The following KDM4C variants were observed in gnomAD, a reference collection of about 807,000 sequenced individuals.
The protein encoded by KDM4C is lysine-specific demethylase 4C.
A neutral mutation model predicts 129.3 loss-of-function variants in KDM4C; 81 were observed. The ratio of observed to expected loss-of-function variants is 0.63; its 90% CI spans 0.52 to 0.75. The LOEUF is 0.75. Ranked by LOEUF, KDM4C falls within the 30% of genes least tolerant of loss-of-function variation. The pLI, the probability that KDM4C is intolerant of heterozygous loss-of-function variation, is 0.00. For synonymous variants in KDM4C, 573 were observed against 456.1 expected, an observed-to-expected ratio of 1.26 and a Z score of -3.26; for missense variants, 1,457 against 1,304.0, an observed-to-expected ratio of 1.12 and a Z score of -1.81.
intron 1 of KDM4C, among the ~76,000 whole-genome samples, chr9:6,728,989 A>G (rs1817236393): frequency 1.3e-5 from 2 of 151,920 alleles, no homozygotes; most frequent in Admixed American, 1.3e-4. Context: ...ATGGATCACG[A>G]GGTCAGGAGT....
At chr9:7,063,351 G>C (rs79646739) in intron 17 of KDM4C, among the ~76,000 whole-genome samples, 5,028 of 152,252 alleles carry the variant, frequency 0.033, 262 homozygotes, top group African/African-American at 0.11. Flanking sequence ...GACTGTGACT[G>C]TCACTTCCCC....
intron 5 of KDM4C, among the ~76,000 whole-genome samples, chr9:6,875,837 C>T (rs1843464764): frequency 6.6e-6 from 1 of 152,180 alleles, no homozygotes; most frequent in African/African-American, 2.4e-5. Flanking sequence ...GTGGCAGGTG[C>T]TCAGCACCTA....
At chr9:7,125,864 C>G (rs1839979170) in intron 18 of KDM4C, among the ~76,000 whole-genome samples, 1 of 152,110 alleles carries the variant, frequency 6.6e-6, no homozygotes, top group Admixed American at 6.5e-5. Context: ...TCAAACAAAT[C>G]AGAGTTGATA....
chr9:6,809,811 A>G (rs1243682415), intron 3 of KDM4C, among the ~76,000 whole-genome samples: 10 of 152,180 alleles, frequency 6.6e-5, no homozygotes, highest in Admixed American at 5.2e-4. Context: ...CCAGCTGGAT[A>G]ACATGGCAAA....
intron 1 of KDM4C, among the ~76,000 whole-genome samples, chr9:6,732,659 T>C (rs1199881694): frequency 6.6e-6 from 1 of 152,126 alleles, no homozygotes; most frequent in Non-Finnish European, 1.5e-5. Context: ...AGTACTCACT[T>C]CCTAAACCGG....
At chr9:6,842,751 A>G (rs991808900) in intron 4 of KDM4C, among the ~76,000 whole-genome samples, 2 of 152,008 alleles carry the variant, frequency 1.3e-5, no homozygotes, top group African/African-American at 2.4e-5. Flanking sequence ...TGTCTCCTTT[A>G]GACAGGATAG....
chr9:6,721,210 A>ATTACC, intron 1 of KDM4C: 1 of 209,378 alleles, frequency 4.8e-6, no homozygotes, highest in Non-Finnish European at 9.0e-6. Context: ...AGTAGCTGGG[A>ATTACC]TTACCAGTGC....
chr9:6,891,253 G>T (rs1473810840), intron 7 of KDM4C, among the ~76,000 whole-genome samples: 5 of 152,096 alleles, frequency 3.3e-5, no homozygotes, highest in Non-Finnish European at 7.4e-5. Context: ...AATTGGAAAT[G>T]ACCAAATGTC....
chr9:6,978,453 C>A (rs1833300952), intron 8 of KDM4C, among the ~76,000 whole-genome samples: 1 of 152,118 alleles, frequency 6.6e-6, no homozygotes, highest in African/African-American at 2.4e-5. Context: ...TTGATTTAAT[C>A]CTCAAGTAAC....
At chr9:6,961,187 C>A (rs1022971373) in intron 8 of KDM4C, among the ~76,000 whole-genome samples, 1 of 152,014 alleles carries the variant, frequency 6.6e-6, no homozygotes, top group Non-Finnish European at 1.5e-5. Flanking sequence ...AATTAGTTGT[C>A]CTTTATTTTA....
At chr9:7,105,568 A>C in intron 18 of KDM4C, 1 of 427,432 alleles carries the variant, frequency 2.3e-6, no homozygotes, top group Non-Finnish European at 4.9e-6. Context: ...TCCTTGCCCA[A>C]ATAGATGCAG....
chr9:7,051,423 A>G (rs1830136670), intron 17 of KDM4C, among the ~76,000 whole-genome samples: 1 of 152,176 alleles, frequency 6.6e-6, no homozygotes, highest in Admixed American at 6.6e-5. Flanking sequence ...GCTTTGAATA[A>G]TACAATTTAC....
intron 4 of KDM4C, among the ~76,000 whole-genome samples, chr9:6,835,857 T>C (rs1835783212): frequency 6.6e-6 from 1 of 152,144 alleles, no homozygotes; most frequent in African/African-American, 2.4e-5. Context: ...TGAGATGCAT[T>C]GTTACAGGAA....
chr9:6,980,966 C>A lies in KDM4C; in HGVS notation c.963C>A (p.Ile321=). ...ACATGGTGAAGATTTCAATGGATAT[C>A]TTTGTGAGGAAATTTCAGCCAGACA... ...RKDMVKISMD[I]FVRKFQPDRY... is the part of the protein sequence containing the mutation. The change falls in exon 9 of 22, where the codon ATC becomes ATA. Residue 321 remains isoleucine, a synonymous_variant. Transcript: ENST00000381309. 1 of 1,613,730 alleles carries A rather than the reference C, an allele frequency of 6.2e-7. No individual in the cohort carries two copies. Among genetic ancestry groups the A allele is most frequent in the African/African-American group, 1.3e-5 (1 of 74,984 alleles).
At chr9:7,161,219 T>TC (rs1490221019) in intron 19 of KDM4C, among the ~76,000 whole-genome samples, 2 of 152,170 alleles carry the variant, frequency 1.3e-5, no homozygotes, top group Non-Finnish European at 2.9e-5. Context: ...GTCCCATTTT[T>TC]CCAAGTACAG....
chr9:7,047,024 C>CT, intron 16 of KDM4C, 107 bp downstream of exon 16: 1 of 771,962 alleles, frequency 1.3e-6, no homozygotes. Context: ...GGTTTCAAAG[C>CT]TTTTGCTGCT....
rs192978906 is a variant in KDM4C at position 7,057,334 on chromosome 9, G to T, written c.2424+8134G>T. Reference sequence around the variant, plus strand: ...ACTAGGACTGTTTTAGCCAGCCATGGGCTGGATTTATTGATCTCAATATCA... The same window carrying T: ...ACTAGGACTGTTTTAGCCAGCCATGTGCTGGATTTATTGATCTCAATATCA... On this transcript the variant is annotated intron_variant, in intron 17 of 21. Transcript: ENST00000381309. 2.6e-5 allele frequency among the ~76,000 whole-genome samples: 4 copies of T among 152,304 alleles called. No homozygotes were observed. The East Asian group carries it at 7.7e-4, about 29-fold the overall frequency.
intron 17 of KDM4C, 41 bp from the exon 18 acceptor site, chr9:7,103,644 C>G (rs770840595): frequency 2.2e-6 from 3 of 1,335,694 alleles, no homozygotes; most frequent in Non-Finnish European, 3.1e-6. Flanking sequence ...GACTGGGTTA[C>G]AGAATGTGAA....
At chr9:6,806,448 C>T (rs1173423939) in intron 3 of KDM4C, among the ~76,000 whole-genome samples, 8 of 151,902 alleles carry the variant, frequency 5.3e-5, no homozygotes, top group Admixed American at 5.3e-4. Context: ...GAGCCGAGAT[C>T]ACGCCATTGC....
Sources: gnomAD v4.1 joint callset for allele counts (sites outside exome capture counted in the v4.1 genomes callset) on GRCh38, gnomAD v4.1.1 for gene constraint, MANE v1.5 for transcripts, NCBI Gene and HGNC (gene_info 2026-07-23, HGNC 2026-07-21) for gene names.